Variants in POC1A observed in about 807,000 individuals in gnomAD.
POC1A encodes the protein POC1 centriolar protein homolog A.
POC1A carries 34 observed loss-of-function variants against 47.8 expected under a neutral mutation model. The ratio of observed to expected loss-of-function variants is 0.71; its 90% CI spans 0.54 to 0.95. The LOEUF (loss-of-function observed/expected upper bound fraction) is 0.95, where lower values mean the gene tolerates loss of function less well. POC1A is among the 40% of genes least tolerant of loss of function. The pLI, the probability that POC1A is intolerant of heterozygous loss-of-function variation, is 0.00. For synonymous variants in POC1A, 177 were observed against 207.6 expected (o/e 0.85, Z 1.27); for missense variants, 466 against 528.3 (o/e 0.88, Z 1.16).
At chr3:52,134,800 CAAAA>C (rs570817861) in intron 7 of POC1A, among the ~76,000 whole-genome samples, 3 of 110,540 alleles carry the variant, frequency 2.7e-5, no homozygotes, top group African/African-American at 3.2e-5. Context: ...CACCTGGACT[CAAAA>C]AAAAAAAAAA....
chr3:52,138,196 C>G lies in POC1A; in HGVS notation c.786G>C (p.Arg262=). The G allele has an allele frequency of 1.9e-6, 3 of 1,614,122 alleles. No homozygotes were observed. Among genetic ancestry groups the G allele is most frequent in the Non-Finnish European group, 2.5e-6 (3 of 1,180,002 alleles). ...TLKILDLMEG[R]LLYTLHGHQG... is the part of the protein sequence containing the mutation. ...GATGCCCGTGGAGTGTGTAGAGCAG[C>G]CGGCCCTCCATCAGGTCCAGGATCT... Residue 262 remains arginine, a synonymous_variant, in exon 7 of 11, where the codon CGG becomes CGC. Coordinates refer to ENST00000296484, the MANE Select transcript of POC1A (RefSeq NM_015426.5).
intron 9 of POC1A, among the ~76,000 whole-genome samples, chr3:52,118,241 T>C (rs1703644816): frequency 6.6e-6 from 1 of 152,156 alleles, no homozygotes; most frequent in East Asian, 1.9e-4. Flanking sequence ...GAGCATGGCC[T>C]GGAATCCTTC....
intron 6 of POC1A, among the ~76,000 whole-genome samples, chr3:52,143,161 A>T (rs1227080951): frequency 6.6e-6 from 1 of 152,026 alleles, no homozygotes; most frequent in Non-Finnish European, 1.5e-5. Flanking sequence ...CTGCAGGCCC[A>T]CTGAGAGGCT....
chr3:52,150,505 G>T (rs915272928), intron 2 of POC1A, among the ~76,000 whole-genome samples: 8 of 152,086 alleles, frequency 5.3e-5, no homozygotes, highest in African/African-American at 1.9e-4. Flanking sequence ...ACCAGAAAGC[G>T]CAGTCATAAA....
At chr3:52,082,608 C>T (rs1702337315) in intron 10 of POC1A, among the ~76,000 whole-genome samples, 3 of 152,134 alleles carry the variant, frequency 2.0e-5, no homozygotes, top group South Asian at 4.1e-4. Context: ...ATTGGGGCAA[C>T]ATTCAGAGGG....
In POC1A at chr3:52,090,596, G is replaced by A. The variant is rs535626098; in HGVS notation, c.1125+5973C>T. On this transcript the variant is annotated intron_variant, in intron 10 of 10. Transcript: ENST00000296484. The surrounding 1 kb of genome is among the most constrained non-coding windows in gnomAD (Gnocchi z 4.2). The stretch of plus-strand genomic sequence containing the variant: ...CCATGAAGGAAGCCACAGAGCCAGC[G>A]TGGAGGTGAGCTCATGTAGCAGTGG... Among the ~76,000 whole-genome samples, 17 of 152,344 alleles carry A rather than the reference G, an allele frequency of 1.1e-4. No homozygotes were observed. Among genetic ancestry groups the A allele is most frequent in the African/African-American group, 3.1e-4 (13 of 41,580 alleles).
intron 10 of POC1A, among the ~76,000 whole-genome samples, chr3:52,083,715 G>C (rs1702372389): frequency 6.6e-6 from 1 of 152,202 alleles, no homozygotes; most frequent in African/African-American, 2.4e-5. Context: ...ACCTGGGACT[G>C]AGCTCCAGGT....
intron 9 of POC1A, among the ~76,000 whole-genome samples, chr3:52,116,095 T>C (rs1341293740): frequency 6.6e-6 from 1 of 152,148 alleles, no homozygotes; most frequent in East Asian, 1.9e-4. Flanking sequence ...AACTCTCTAA[T>C]TCCTCAGGCA....
chr3:52,130,813 T>G (rs1339428410), intron 7 of POC1A, among the ~76,000 whole-genome samples: 1 of 152,096 alleles, frequency 6.6e-6, no homozygotes, highest in Non-Finnish European at 1.5e-5. Flanking sequence ...TCGCCTCCCC[T>G]GCTTGAAGGT....
chr3:52,083,737 C>T (rs886649016), intron 10 of POC1A, among the ~76,000 whole-genome samples: 4 of 152,194 alleles, frequency 2.6e-5, no homozygotes, highest in Non-Finnish European at 4.4e-5. Flanking sequence ...GAGTCAGGCC[C>T]CTGCCACGGC....
intron 7 of POC1A, among the ~76,000 whole-genome samples, chr3:52,136,793 G>A (rs561528321): frequency 2.0e-5 from 3 of 152,196 alleles, no homozygotes; most frequent in Non-Finnish European, 4.4e-5. Flanking sequence ...TGCCAGATGC[G>A]ATGCCAGAAC....
chr3:52,138,031 C>T (rs1704538120), intron 7 of POC1A, 138 bp downstream of exon 7: 2 of 899,262 alleles, frequency 2.2e-6, no homozygotes, highest in African/African-American at 3.3e-5. Context: ...GCAATCTGCC[C>T]AGGTCACATG....
intron 7 of POC1A, among the ~76,000 whole-genome samples, chr3:52,133,346 T>G (rs1230075195): frequency 2.6e-5 from 4 of 152,264 alleles, no homozygotes; most frequent in African/African-American, 9.6e-5. Flanking sequence ...AGAAATAACT[T>G]TCTGTTCTTG....
chr3:52,138,348 G>A, intron 6 of POC1A, 46 bp from the exon 7 acceptor site: 1 of 1,579,762 alleles, frequency 6.3e-7, no homozygotes, highest in South Asian at 1.1e-5. Context: ...GGCACAGGGA[G>A]CACAGCTGAA....
At chr3:52,149,646 C>T (rs1161468839) in intron 3 of POC1A, among the ~76,000 whole-genome samples, 170 bp downstream of exon 3, 1 of 152,216 alleles carries the variant, frequency 6.6e-6, no homozygotes, top group Non-Finnish European at 1.5e-5. Context: ...CTCTTCCAAC[C>T]CTGAGGGGAG....
chr3:52,114,095 T>TAGGG (rs1703475810), intron 9 of POC1A, among the ~76,000 whole-genome samples: 1 of 152,234 alleles, frequency 6.6e-6, no homozygotes, highest in African/African-American at 2.4e-5. Context: ...CAGCCTCTGC[T>TAGGG]CAGACCAGCA....
rs533926707 is a variant in POC1A at position 52,078,195 on chromosome 3, C to G, written c.1126-2210G>C. Among the ~76,000 whole-genome samples the G allele has an allele frequency of 1.0e-3, 158 of 152,278 alleles. 1 individual carries two copies. Among genetic ancestry groups the G allele is most frequent in the Non-Finnish European group, 1.8e-3 (124 of 68,016 alleles). ...GGTCTCAGCTTCCCCTGTTCCTTCT[C>G]TGCCAAGGTGCCTCGTGGTGGCCAC... On this transcript the variant is annotated intron_variant, in intron 10 of 10. Transcript: ENST00000296484.
At chr3:52,137,108 T>C (rs1339775040) in intron 7 of POC1A, among the ~76,000 whole-genome samples, 1 of 152,174 alleles carries the variant, frequency 6.6e-6, no homozygotes, top group Non-Finnish European at 1.5e-5. Flanking sequence ...CTGGATGTGC[T>C]GGCCCAGGGA....
At chr3:52,101,090 CAAA>C (rs146285042) in intron 9 of POC1A, among the ~76,000 whole-genome samples, 1 of 56,964 alleles carries the variant, frequency 1.8e-5, no homozygotes, top group Non-Finnish European at 3.7e-5. Flanking sequence ...CAACCCTCAG[CAAA>C]AAAAAAAAAA....
Sources: allele counts gnomAD v4.1 joint callset (sites outside exome capture counted in the v4.1 genomes callset), GRCh38; gene constraint gnomAD v4.1.1; non-coding constraint Gnocchi (gnomAD v3.1); transcripts MANE v1.5; gene names NCBI Gene and HGNC (gene_info 2026-07-23, HGNC 2026-07-21).